FOXK2: variants seen among roughly 807,000 people sequenced by gnomAD.
FOXK2 encodes forkhead box protein K2.
FOXK2 carries 24 observed loss-of-function variants against 53.3 expected under a neutral mutation model. That is an observed-to-expected ratio of 0.45 (90% CI 0.33 to 0.63). The LOEUF (loss-of-function observed/expected upper bound fraction) is 0.63, where lower values mean the gene tolerates loss of function less well. FOXK2 is among the 30% of genes least tolerant of loss of function. The probability of loss-of-function intolerance (pLI) is 0.03; values close to 1 mark genes in which losing one functional copy is unlikely to be tolerated. For missense variants in FOXK2, 952 were observed against 910.5 expected (o/e 1.05, Z -0.59); for synonymous variants, 505 against 407.1 (o/e 1.24, Z -2.89).
chr17:82,600,825 C>A, intron 8 of FOXK2: 1 of 150,432 alleles, frequency 6.6e-6, no homozygotes, highest in Non-Finnish European at 1.4e-5. Context: ...GGAAATGGTC[C>A]AGGAGCATCT....
At chr17:82,567,948 T>TTTA in intron 2 of FOXK2, 106 bp from the exon 3 acceptor site, 1 of 611,168 alleles carries the variant, frequency 1.6e-6, no homozygotes, top group Non-Finnish European at 2.4e-6. Flanking sequence ...TTTTTTTTTT[T>TTTA]AACATTTCTG....
At chr17:82,520,399 A>C in intron 1 of FOXK2, 92 bp downstream of exon 1, 1 of 1,081,264 alleles carries the variant, frequency 9.2e-7, no homozygotes, top group Non-Finnish European at 1.2e-6. Flanking sequence ...GGGACCACCC[A>C]CGAGCGGGGG....
chr17:82,592,020 C>T (rs2045257545), intron 8 of FOXK2, among the ~76,000 whole-genome samples: 1 of 152,248 alleles, frequency 6.6e-6, no homozygotes, highest in African/African-American at 2.4e-5. Flanking sequence ...CCTCCTGCCT[C>T]AGCCTCCCAA....
rs1185183416 is a variant in FOXK2 at position 82,585,957 on chromosome 17, C to T, written c.1333C>T (p.Gln445Ter). 2 of 1,612,648 alleles carry T rather than the reference C, an allele frequency of 1.2e-6. No homozygotes were observed. Among genetic ancestry groups the T allele is most frequent in the African/African-American group, 1.3e-5 (1 of 74,934 alleles). The change falls in exon 7 of 9, where the codon CAG (glutamine) becomes TAG (stop). Residue 445 changes from glutamine to a stop codon, truncating the protein, a stop_gained. Coordinates refer to ENST00000335255, the MANE Select transcript of FOXK2 (RefSeq NM_004514.4). LOFTEE classifies it high-confidence loss of function. ...VLITVQRQLP[Q>*]AIKPVTYTVA... ...AATCACCGTCCAGCGGCAGCTACCA[C>T]AGGCCATCAAGCCTGTCACCTACAC...
intron 4 of FOXK2, among the ~76,000 whole-genome samples, chr17:82,582,302 A>G (rs2045073092): frequency 6.6e-6 from 1 of 152,046 alleles, no homozygotes; most frequent in Non-Finnish European, 1.5e-5. Context: ...TGGATTGCTC[A>G]TCCCTCCTGT....
At chr17:82,534,709 C>T (rs908754739) in intron 1 of FOXK2, among the ~76,000 whole-genome samples, 2 of 152,252 alleles carry the variant, frequency 1.3e-5, no homozygotes. Context: ...TGCCTCAGCA[C>T]TCACTCCTGT....
chr17:82,586,015 A>C lies in FOXK2; in HGVS notation c.1391A>C (p.Gln464Pro). Reference sequence around the variant, plus strand: ...ACCCCAGTGACCACCTCGACCTCCCAGCCACCCGTCGTGCAGACGGTTCAC... The same window carrying C: ...ACCCCAGTGACCACCTCGACCTCCCCGCCACCCGTCGTGCAGACGGTTCAC... The part of the protein sequence containing the change: ...VATPVTTSTS[Q>P]PPVVQTVHVV... The change falls in exon 7 of 9, where the codon CAG becomes CCG. Residue 464 changes from glutamine (Q) to proline (P), a missense_variant. By Grantham distance (76) the Gln-to-Pro change is moderately conservative (BLOSUM62 -1). Around this residue, in one of 5 missense-constraint regions of FOXK2, gnomAD observed 551 missense variants for 385.1 expected, o/e 1.43. Transcript: ENST00000335255. 6.2e-7 allele frequency: 1 copy of C among 1,612,768 alleles called. No homozygotes were observed. Among genetic ancestry groups the C allele is most frequent in the Non-Finnish European group, 8.5e-7 (1 of 1,179,964 alleles).
At chr17:82,596,619 C>T (rs994680242) in intron 8 of FOXK2, among the ~76,000 whole-genome samples, 5 of 39,648 alleles carry the variant, frequency 1.3e-4, no homozygotes, top group African/African-American at 2.3e-4. Context: ...AAGGAGGTGT[C>T]GCTCCTCCAA....
At chr17:82,598,021 T>C (rs2045335659) in intron 8 of FOXK2, among the ~76,000 whole-genome samples, 1 of 152,182 alleles carries the variant, frequency 6.6e-6, no homozygotes, top group Non-Finnish European at 1.5e-5. Flanking sequence ...TGCAAGTGTA[T>C]GGGGTGCACA....
chr17:82,538,039 C>T (rs547848930), intron 1 of FOXK2, among the ~76,000 whole-genome samples: 2 of 151,886 alleles, frequency 1.3e-5, no homozygotes, highest in South Asian at 4.2e-4. Flanking sequence ...GCTTGGCCAA[C>T]ATGGTGAAAC....
intron 4 of FOXK2, among the ~76,000 whole-genome samples, chr17:82,581,851 C>T (rs1260817741): frequency 1.3e-5 from 2 of 152,158 alleles, no homozygotes; most frequent in Non-Finnish European, 2.9e-5. Flanking sequence ...CTCAACTGAG[C>T]CGCTGCGCCC....
chr17:82,560,810 A>C (rs1482938357), intron 1 of FOXK2, among the ~76,000 whole-genome samples: 1 of 152,052 alleles, frequency 6.6e-6, no homozygotes, highest in African/African-American at 2.4e-5. Context: ...CCAGCCTGGG[A>C]AACAGCCTGG....
intron 2 of FOXK2, among the ~76,000 whole-genome samples, chr17:82,566,778 G>A (rs1442161296): frequency 2.0e-5 from 3 of 152,192 alleles, no homozygotes; most frequent in East Asian, 1.9e-4. Context: ...CCCCACACCT[G>A]CACAGACCTT....
intron 1 of FOXK2, among the ~76,000 whole-genome samples, chr17:82,538,236 A>G (rs2044539958): frequency 6.6e-6 from 1 of 152,080 alleles, no homozygotes; most frequent in South Asian, 2.1e-4. Context: ...AAAGAAAAAA[A>G]AGATATAGGC....
chr17:82,579,054 C>T (rs1456723484), intron 4 of FOXK2, among the ~76,000 whole-genome samples: 1 of 151,554 alleles, frequency 6.6e-6, no homozygotes, highest in Admixed American at 6.6e-5. Flanking sequence ...CGTGGGGTAG[C>T]TCTTTCTGAG....
intron 1 of FOXK2, among the ~76,000 whole-genome samples, chr17:82,547,626 C>A (rs572097078): frequency 5.9e-5 from 9 of 151,926 alleles, no homozygotes; most frequent in Admixed American, 3.9e-4. Flanking sequence ...TTACTTTAAA[C>A]TTTTTTTTGA....
At chr17:82,576,653 T>C in intron 4 of FOXK2, 1 of 1,153,874 alleles carries the variant, frequency 8.7e-7, no homozygotes, top group South Asian at 1.3e-5. Context: ...CAGAAGATGA[T>C]TGACACAACG....
Position 82,587,434 on chromosome 17 carries a change from C to T in FOXK2, c.1786+162C>T, listed in dbSNP as rs140666868. ...AATCTAGTCATGCTGGGGAAGTGGT[C>T]GTGGAGTCGGCCGTCATGGGATTCC... On this transcript the variant is annotated intron_variant, in intron 8 of 8. Coordinates refer to ENST00000335255, the MANE Select transcript of FOXK2 (RefSeq NM_004514.4). 2,532 of 655,866 alleles carry T rather than the reference C, an allele frequency of 3.9e-3. 69 individuals carry two copies. In the Admixed American group the frequency reaches 0.049, roughly 13 times the overall value. 40.6% of individuals were successfully genotyped at this position (655,866 alleles called of 1,614,324 possible).
intron 1 of FOXK2, among the ~76,000 whole-genome samples, chr17:82,523,071 C>T (rs986433179): frequency 6.6e-6 from 1 of 152,152 alleles, no homozygotes; most frequent in African/African-American, 2.4e-5. Context: ...GGGATTACAG[C>T]TGTGAGCCAC....
Sources: allele counts gnomAD v4.1 joint callset (sites outside exome capture counted in the v4.1 genomes callset), GRCh38; gene constraint gnomAD v4.1.1; regional missense constraint gnomAD v4.1.1; transcripts MANE v1.5; gene names NCBI Gene and HGNC (gene_info 2026-07-23, HGNC 2026-07-21).